The following DYNLL1 variants were observed in gnomAD, a reference collection of about 807,000 sequenced individuals.
DYNLL1 encodes dynein light chain LC8-type 1, also known as dynein light chain 1, cytoplasmic.
Under a neutral mutation model 10.1 loss-of-function variants are expected in DYNLL1, and 3 were observed. The observed-to-expected ratio is 0.30, with a 90% CI of 0.14 to 0.77. The LOEUF (loss-of-function observed/expected upper bound fraction) is 0.77, where lower values mean the gene tolerates loss of function less well. DYNLL1 is among the 30% of genes least tolerant of loss of function. DYNLL1 has a pLI of 0.66. For missense variants in DYNLL1, 47 were observed against 111.7 expected (o/e 0.42, Z 2.61); for synonymous variants, 46 against 41.2 (o/e 1.12, Z -0.45).
intron 1 of DYNLL1, 30 bp downstream of exon 1, chr12:120,496,246 C>CT (rs1868391340): frequency 1.0e-5 from 10 of 971,774 alleles, no homozygotes; most frequent in Non-Finnish European, 1.2e-5. Flanking sequence ...AGGGGGTGTC[C>CT]TCGCTGCCTT....
chr12:120,489,947 C>T (rs1166449809), intron 1 of DYNLL1, among the ~76,000 whole-genome samples: 1 of 152,200 alleles, frequency 6.6e-6, no homozygotes, highest in Non-Finnish European at 1.5e-5. Flanking sequence ...GGGGTTTCAC[C>T]GTGTTGCCCA....
intron 2 of DYNLL1, 69 bp downstream of exon 2, chr12:120,496,622 C>T (rs749232974): frequency 4.4e-5 from 71 of 1,612,994 alleles, no homozygotes; most frequent in Non-Finnish European, 5.3e-5. Flanking sequence ...TCCTGCTTTC[C>T]TAAGGGCGCC....
chr12:120,483,937 G>A (rs1878938158), intron 1 of DYNLL1, among the ~76,000 whole-genome samples: 1 of 152,024 alleles, frequency 6.6e-6, no homozygotes, highest in South Asian at 2.1e-4. Context: ...ACTGTGACAT[G>A]TATGGCCATG....
intron 1 of DYNLL1, among the ~76,000 whole-genome samples, chr12:120,479,463 AAAAAAAAT>A (rs1345990921): frequency 1.1e-4 from 14 of 131,672 alleles, no homozygotes; most frequent in Admixed American, 3.9e-4. Flanking sequence ...AAAAAAAAAA[AAAAAAAAT>A]AATAATAATA....
chr12:120,495,804 G>A (rs2233676), upstream of DYNLL1: 39,985 of 153,826 alleles, frequency 0.26, 6,066 homozygotes, highest in East Asian at 0.5. Context: ...CTTGGCCCCG[G>A]CAGAAGCTCC....
chr12:120,496,080 C>G, upstream of DYNLL1: 2 of 424,040 alleles, frequency 4.7e-6, no homozygotes, highest in Non-Finnish European at 8.7e-6. Flanking sequence ...GGGGCCTGAG[C>G]ACTAGGCGGC....
At chr12:120,473,176 G>T (rs1341296938) in intron 1 of DYNLL1, among the ~76,000 whole-genome samples, 1 of 152,158 alleles carries the variant, frequency 6.6e-6, no homozygotes, top group Non-Finnish European at 1.5e-5. Context: ...CAGTCTTAGA[G>T]ATTCTAAGGA....
chr12:120,495,889 G>A (rs1169240070), upstream of DYNLL1: 2 of 165,166 alleles, frequency 1.2e-5, no homozygotes, highest in Admixed American at 1.1e-4. Flanking sequence ...TGTGGGCCTC[G>A]TAGCGTGCGG....
At position 120,482,484 on chromosome 12, in the gene DYNLL1, G is replaced by A. The variant is rs58923840; in HGVS notation, c.-7+12380G>A. Among the ~76,000 whole-genome samples the A allele has an allele frequency of 2.1e-4, 32 of 152,064 alleles. 1 individual carries two copies. The East Asian group carries it at 6.0e-3, about 29-fold the overall frequency. On this transcript the variant is annotated intron_variant, in intron 1 of 2. Coordinates refer to the DYNLL1 transcript ENST00000392509. ...ACTACAGGCGCCTGCCACCGTGCCC[G>A]GCTAATTTTTTGTATTTTTAGTGGA...
chr12:120,484,169 G>T (rs562167823), intron 1 of DYNLL1, among the ~76,000 whole-genome samples: 1 of 152,114 alleles, frequency 6.6e-6, no homozygotes, highest in Non-Finnish European at 1.5e-5. Context: ...CAGCATGTTT[G>T]CACGCTGGTG....
chr12:120,472,573 G>A (rs1423027900), intron 1 of DYNLL1, among the ~76,000 whole-genome samples: 1 of 152,006 alleles, frequency 6.6e-6, no homozygotes, highest in Non-Finnish European at 1.5e-5. Context: ...TGTGATTGTT[G>A]CCTGGAAAGA....
At chr12:120,494,728 T>G (rs1470160698), upstream of DYNLL1, among the ~76,000 whole-genome samples, 1 of 152,176 alleles carries the variant, frequency 6.6e-6, no homozygotes, top group Admixed American at 6.5e-5. Context: ...AGTGCTGGGA[T>G]TACAGGTGTG....
chr12:120,479,132 G>C (rs1404944335), intron 1 of DYNLL1, among the ~76,000 whole-genome samples: 7 of 149,604 alleles, frequency 4.7e-5, no homozygotes, highest in African/African-American at 1.5e-4. Context: ...CCACTGCACA[G>C]CAACCTGGGT....
chr12:120,481,789 A>T (rs986881518), intron 1 of DYNLL1, among the ~76,000 whole-genome samples: 2 of 152,224 alleles, frequency 1.3e-5, no homozygotes, highest in African/African-American at 4.8e-5. Context: ...AGTAATGTGG[A>T]TAGTCTTTCT....
intron 2 of DYNLL1, 154 bp downstream of exon 2, chr12:120,496,707 TC>T: frequency 8.2e-7 from 1 of 1,213,842 alleles, no homozygotes; most frequent in South Asian, 1.4e-5. Flanking sequence ...CATTTTGCGC[TC>T]CTGTGGAGAA....
chr12:120,478,331 T>G (rs976063276), intron 1 of DYNLL1, among the ~76,000 whole-genome samples: 4 of 149,380 alleles, frequency 2.7e-5, no homozygotes, highest in African/African-American at 9.9e-5. Context: ...GGTCTTGAAC[T>G]CCCTACCGCA....
At chr12:120,475,984 C>G (rs1878743741) in intron 1 of DYNLL1, among the ~76,000 whole-genome samples, 1 of 152,226 alleles carries the variant, frequency 6.6e-6, no homozygotes. Context: ...ATTTCCTAAG[C>G]TCTAAATTCC....
chr12:120,494,040 A>C (rs1205264113), upstream of DYNLL1: 2 of 149,620 alleles, frequency 1.3e-5, no homozygotes, highest in Non-Finnish European at 3.0e-5. Flanking sequence ...AATCATGAGG[A>C]TGATTTAGGA....
chr12:120,492,574 AT>A (rs1356111195), upstream of DYNLL1, among the ~76,000 whole-genome samples: 2 of 152,196 alleles, frequency 1.3e-5, no homozygotes, highest in East Asian at 3.8e-4. The surrounding 1 kb of genome is among the most constrained non-coding windows in gnomAD (Gnocchi z 4.1). Context: ...CTCAAAAAAA[AT>A]AAATAAATAA....
Sources: gnomAD v4.1 joint callset for allele counts (sites outside exome capture counted in the v4.1 genomes callset) on GRCh38, gnomAD v4.1.1 for gene constraint, Gnocchi (gnomAD v3.1) non-coding constraint, MANE v1.5 for transcripts, NCBI Gene and HGNC (gene_info 2026-07-23, HGNC 2026-07-21) for gene names.